The following IL4I1 variants were observed in gnomAD, a reference collection of about 807,000 sequenced individuals.
IL4I1 encodes interleukin 4 induced 1, also known as L-amino-acid oxidase.
In IL4I1, 24 loss-of-function variants were observed where a neutral mutation model predicts 29.7. The observed-to-expected ratio is 0.81, with a 90% CI of 0.59 to 1.14. The LOEUF (loss-of-function observed/expected upper bound fraction) is 1.14. Ranked by LOEUF, IL4I1 falls within the 50% of genes most tolerant of loss-of-function variation. IL4I1 has a pLI of 0.00. For missense variants in IL4I1, 686 were observed against 785.6 expected (o/e 0.87, Z 1.52); for synonymous variants, 371 against 352.5 (o/e 1.05, Z -0.59).
intron 2 of IL4I1, among the ~76,000 whole-genome samples, chr19:49,925,895 T>G (rs1374756899): frequency 6.6e-6 from 1 of 152,092 alleles, no homozygotes; most frequent in Admixed American, 6.6e-5. Flanking sequence ...CTACAATTAT[T>G]CCAAAATAAA....
At chr19:49,907,620 C>T (rs759982814) in intron 2 of IL4I1, 2 of 396,456 alleles carry the variant, frequency 5.0e-6, no homozygotes, top group African/African-American at 2.2e-5. Flanking sequence ...CACTGCAACA[C>T]CTCCTGGGTT....
intron 2 of IL4I1, among the ~76,000 whole-genome samples, chr19:49,918,852 G>A (rs1326208294): frequency 4.7e-5 from 7 of 149,718 alleles, no homozygotes; most frequent in Middle Eastern, 6.9e-3. Context: ...AAGCTAGGCC[G>A]GGCGCAGTGG....
At chr19:49,894,170 G>T in intron 5 of IL4I1, 98 bp downstream of exon 5, 1 of 1,175,192 alleles carries the variant, frequency 8.5e-7, no homozygotes, top group Non-Finnish European at 1.2e-6. Context: ...CCATGGAGGG[G>T]ACTGAAGGGA....
At chr19:49,924,418 G>A (rs2075835837) in intron 2 of IL4I1, among the ~76,000 whole-genome samples, 1 of 152,154 alleles carries the variant, frequency 6.6e-6, no homozygotes, top group South Asian at 2.1e-4. Context: ...GGGAGCGGTT[G>A]CCAGGTGTGC....
intron 2 of IL4I1, chr19:49,909,433 T>C: frequency 6.2e-7 from 1 of 1,613,978 alleles, no homozygotes; most frequent in Non-Finnish European, 8.5e-7. Context: ...CGGTGCTCGA[T>C]ATGGCATTAG....
chr19:49,910,681 C>A (rs1351195045), intron 2 of IL4I1, among the ~76,000 whole-genome samples: 2 of 146,464 alleles, frequency 1.4e-5, no homozygotes, highest in Non-Finnish European at 3.0e-5. Context: ...GACACTGGGA[C>A]ATCACGGGAG....
At chr19:49,917,047 C>T (rs1030764307) in intron 2 of IL4I1, among the ~76,000 whole-genome samples, 2 of 152,260 alleles carry the variant, frequency 1.3e-5, no homozygotes, top group African/African-American at 4.8e-5. Flanking sequence ...GAGCTGTCTC[C>T]GTGGGACCTC....
At chr19:49,910,183 A>G (rs2075428160) in intron 2 of IL4I1, among the ~76,000 whole-genome samples, 1 of 152,040 alleles carries the variant, frequency 6.6e-6, no homozygotes. Context: ...CAGCCTGAGG[A>G]GATCAGATTT....
chr19:49,906,247 C>T (rs919804984), intron 2 of IL4I1, among the ~76,000 whole-genome samples: 2 of 151,852 alleles, frequency 1.3e-5, no homozygotes, highest in Admixed American at 6.6e-5. Context: ...CTTGCTCTGT[C>T]GCCCAGGCTG....
intron 2 of IL4I1, among the ~76,000 whole-genome samples, chr19:49,918,178 TG>T (rs921530726): frequency 6.6e-6 from 1 of 151,906 alleles, no homozygotes; most frequent in Non-Finnish European, 1.5e-5. Context: ...ATGATTCTCC[TG>T]CCCTAGCCTC....
At position 49,890,589 on chromosome 19, in the gene IL4I1, A is replaced by G; in HGVS notation, c.785T>C (p.Ile262Thr). The G allele has an allele frequency of 6.4e-7, 1 of 1,559,696 alleles. No homozygotes were observed. The highest frequency in any genetic ancestry group is 8.6e-7 in the Non-Finnish European group (1 of 1,156,256). Residue 262 changes from isoleucine to threonine, a missense_variant, in exon 8 of 8, where the codon ATC becomes ACC. Ile to Thr is a moderately conservative substitution (Grantham distance 89, BLOSUM62 -1). Transcript: ENST00000391826. The stretch of plus-strand genomic sequence containing the variant: ...CGGCAGCAGGTCCCAGCCACCCACG[A>G]TGCGGCTGTACCTGCAGGCGGGGCG... ...CLSDRLQYSR[I>T]VGGWDLLPRA...
At chr19:49,899,152 C>A (rs575972487), upstream of IL4I1, among the ~76,000 whole-genome samples, 1 of 152,250 alleles carries the variant, frequency 6.6e-6, no homozygotes, top group East Asian at 1.9e-4. Flanking sequence ...AGGTCCCCGG[C>A]CCCTGCCCAA....
chr19:49,916,354 ATTT>A (rs1182733064), intron 2 of IL4I1, among the ~76,000 whole-genome samples: 5 of 131,958 alleles, frequency 3.8e-5, no homozygotes, highest in South Asian at 2.4e-4. Context: ...TATCTTTTGT[ATTT>A]TTTTTTTTTT....
intron 7 of IL4I1, 23 bp downstream of exon 7, chr19:49,890,934 CCGCCCCCCCCCCCT>C (rs2075127687): frequency 7.4e-6 from 3 of 404,402 alleles, no homozygotes; most frequent in South Asian, 3.4e-5. Flanking sequence ...TGATTGCCCC[CCGCCCCCCCCCCCT>C]GCCCGCCAGC....
At chr19:49,913,509 G>A (rs1228473825) in intron 2 of IL4I1, among the ~76,000 whole-genome samples, 8 of 152,146 alleles carry the variant, frequency 5.3e-5, no homozygotes, top group African/African-American at 9.7e-5. Flanking sequence ...ACACGGGTGC[G>A]CCATGTCCTC....
upstream of IL4I1, among the ~76,000 whole-genome samples, chr19:49,897,369 C>T (rs1170187349): frequency 1.3e-5 from 2 of 152,300 alleles, no homozygotes; most frequent in East Asian, 3.9e-4. Flanking sequence ...GTCTCCCCCT[C>T]CGTTACATGG....
Position 49,921,177 on chromosome 19 carries a change from C to T in IL4I1, c.-228+6517G>A, listed in dbSNP as rs912412581. 1.3e-5 allele frequency among the ~76,000 whole-genome samples: 2 copies of T among 152,138 alleles called. No individual in the cohort carries two copies. Reference sequence around the variant, plus strand: ...ACTTAACTTTCCCCCAGCAATGTGACGAAGCGAAACTATCATGGCTCCCAT... The same window carrying T: ...ACTTAACTTTCCCCCAGCAATGTGATGAAGCGAAACTATCATGGCTCCCAT... On this transcript the variant is annotated intron_variant, in intron 2 of 9. Transcript: ENST00000341114. The surrounding 1 kb of genome is among the most constrained non-coding windows in gnomAD (Gnocchi z 5.4).
intron 2 of IL4I1, among the ~76,000 whole-genome samples, chr19:49,920,136 G>A (rs187169658): frequency 1.7e-4 from 26 of 151,940 alleles, no homozygotes; most frequent in Non-Finnish European, 2.5e-4. Flanking sequence ...AGGCTGGAGT[G>A]CAGTGGCGTG....
chr19:49,914,840 A>G (rs1463902518), intron 2 of IL4I1, among the ~76,000 whole-genome samples: 1 of 144,086 alleles, frequency 6.9e-6, no homozygotes, highest in South Asian at 2.2e-4. Context: ...CCCGGGTTCA[A>G]GCAATTCTCC....
Sources: gnomAD v4.1 joint callset for allele counts (sites outside exome capture counted in the v4.1 genomes callset) on GRCh38, gnomAD v4.1.1 for gene constraint, Gnocchi (gnomAD v3.1) non-coding constraint, MANE v1.5 for transcripts, NCBI Gene and HGNC (gene_info 2026-07-23, HGNC 2026-07-21) for gene names.